The following BRAP variants were observed in gnomAD, a reference collection of about 807,000 sequenced individuals.
BRAP encodes the protein BRCA1 associated protein.
In BRAP, 42 loss-of-function variants were observed where a neutral mutation model predicts 73.4. The observed-to-expected ratio is 0.57, with a 90% CI of 0.45 to 0.74. The LOEUF is 0.74. Among genes scored for constraint, BRAP ranks in the 30% least tolerant of loss-of-function variants. BRAP has a pLI of 0.00. For synonymous variants in BRAP, 255 were observed against 267.4 expected, an observed-to-expected ratio of 0.95 and a Z score of 0.45; for missense variants, 593 against 751.4, an observed-to-expected ratio of 0.79 and a Z score of 2.46.
chr12:111,645,846 C>G (rs1309133654), intron 11 of BRAP, among the ~76,000 whole-genome samples: 1 of 151,970 alleles, frequency 6.6e-6, no homozygotes. Flanking sequence ...AAAACTTAGC[C>G]AGGTGCAGTG....
rs755755546 is a variant in BRAP, at chr12:111,659,350, CG to C, written c.973-6del. ...TATTAAACAAATCCAAAGATTCTGC[CG>C]GAAGAGGTAAGATCTTAATTAGTTA... is the stretch of plus-strand genomic sequence containing the variant. On this transcript the variant is annotated splice_polypyrimidine_tract_variant and splice_region_variant and intron_variant, in intron 7 of 11. Coordinates refer to ENST00000419234, the MANE Select transcript of BRAP (RefSeq NM_006768.5). The C allele has an allele frequency of 5.0e-6, 8 of 1,610,658 alleles. No homozygotes were observed. The Admixed American group carries it at 1.3e-4, about 27-fold the overall frequency.
intron 4 of BRAP, among the ~76,000 whole-genome samples, chr12:111,675,885 A>G (rs1196969612): frequency 6.6e-6 from 1 of 152,132 alleles, no homozygotes; most frequent in Admixed American, 6.5e-5. Context: ...TACTCTATTA[A>G]GTGGTCATCT....
At chr12:111,652,453 C>T (rs1886363898) in intron 10 of BRAP, among the ~76,000 whole-genome samples, 2 of 151,536 alleles carry the variant, frequency 1.3e-5, no homozygotes, top group South Asian at 4.2e-4. Flanking sequence ...TAGATCTCCT[C>T]ACCTTGTGAT....
At chr12:111,658,867 G>A (rs1487681909) in intron 8 of BRAP, 22 bp from the exon 9 acceptor site, 3 of 1,565,606 alleles carry the variant, frequency 1.9e-6, no homozygotes, top group Non-Finnish European at 1.8e-6. Flanking sequence ...GTCAACAAAA[G>A]TGTGTTTCTT....
At chr12:111,675,428 T>A (rs1016029138) in intron 4 of BRAP, among the ~76,000 whole-genome samples, 6 of 150,574 alleles carry the variant, frequency 4.0e-5, no homozygotes, top group African/African-American at 1.5e-4. Context: ...AACATATTGA[T>A]CTCTTCTTTA....
intron 4 of BRAP, among the ~76,000 whole-genome samples, chr12:111,676,325 C>T (rs1483108312): frequency 6.6e-6 from 1 of 152,176 alleles, no homozygotes; most frequent in East Asian, 1.9e-4. Context: ...AGTCAGGCTG[C>T]CTAGGTTTGA....
chr12:111,660,742 A>G (rs1886717656), intron 6 of BRAP, 67 bp from the exon 7 acceptor site: 17 of 1,385,314 alleles, frequency 1.2e-5, no homozygotes, highest in South Asian at 1.1e-4. Context: ...AGAACCCAAA[A>G]GTCAAACACT....
At chr12:111,662,824 T>C (rs1013104531) in intron 6 of BRAP, among the ~76,000 whole-genome samples, 4 of 151,368 alleles carry the variant, frequency 2.6e-5, no homozygotes, top group East Asian at 3.9e-4. Flanking sequence ...GTGAAAGTGG[T>C]TGAATAAGAA....
chr12:111,684,945 A>G (rs981732503), intron 1 of BRAP, among the ~76,000 whole-genome samples: 1 of 152,220 alleles, frequency 6.6e-6, no homozygotes, highest in Non-Finnish European at 1.5e-5. Flanking sequence ...TGAGGATTAC[A>G]GGCGTGAGCC....
At chr12:111,670,826 G>A (rs966951332) in intron 5 of BRAP, among the ~76,000 whole-genome samples, 2 of 152,154 alleles carry the variant, frequency 1.3e-5, no homozygotes, top group Non-Finnish European at 2.9e-5. Flanking sequence ...CTGGCCGGGC[G>A]CGGTGGCTCA....
intron 10 of BRAP, among the ~76,000 whole-genome samples, chr12:111,651,171 C>G (rs1886306230): frequency 6.8e-6 from 1 of 147,646 alleles, no homozygotes; most frequent in Non-Finnish European, 1.5e-5. Flanking sequence ...CTAGACCTTT[C>G]TTTTTAATCA....
At chr12:111,667,292 A>G (rs1303173818) in intron 5 of BRAP, among the ~76,000 whole-genome samples, 3 of 152,226 alleles carry the variant, frequency 2.0e-5, no homozygotes, top group Admixed American at 6.5e-5. Flanking sequence ...TACCACCAAT[A>G]AAACAGTCTG....
At chr12:111,650,189 C>A in intron 10 of BRAP, 147 bp from the exon 11 acceptor site, 6 of 460,062 alleles carry the variant, frequency 1.3e-5, no homozygotes, top group South Asian at 5.0e-5. Context: ...AGTTTCCAGG[C>A]AGGGGAAAAA....
intron 6 of BRAP, among the ~76,000 whole-genome samples, chr12:111,662,522 C>T (rs113304644): frequency 7.2e-5 from 11 of 151,942 alleles, no homozygotes; most frequent in African/African-American, 2.7e-4. Context: ...TGCACTCCAG[C>T]CTGGGCAACA....
chr12:111,677,247 AT>A (rs1887418548), intron 4 of BRAP, among the ~76,000 whole-genome samples: 1 of 151,974 alleles, frequency 6.6e-6, no homozygotes, highest in African/African-American at 2.4e-5. Flanking sequence ...GCTCTTCAAC[AT>A]TTTTTTCCCA....
rs1172427675 is a variant in BRAP, at chr12:111,681,830, G to C, written c.250C>G (p.Leu84Val). 1.2e-6 allele frequency: 2 copies of C among 1,608,210 alleles called. No individual in the cohort carries two copies. Among genetic ancestry groups the C allele is most frequent in the Non-Finnish European group, 1.7e-6 (2 of 1,177,432 alleles). The change falls in exon 3 of 12, where the codon CTA (leucine) becomes GTA (valine). Residue 84 changes from leucine (L) to valine (V), a missense_variant. Leu to Val is a conservative substitution (Grantham distance 32). Coordinates refer to ENST00000419234, the MANE Select transcript of BRAP (RefSeq NM_006768.5). ...IETMKSNPDE[L>V]KTTVEERKSS... is the part of the protein sequence containing the mutation. ...TTCCTTTCTTCCACTGTAGTTTTTA[G>C]TTCATCTTTCACCAGTTAAAAAATA... is the stretch of plus-strand genomic sequence containing the variant.
At position 111,659,108 on chromosome 12, in the gene BRAP, A is replaced by G. The variant is rs943378528; in HGVS notation, c.1111+99T>C. 4.8e-6 allele frequency: 7 copies of G among 1,446,034 alleles called. No individual in the cohort carries two copies. In the African/African-American group the frequency reaches 9.9e-5, roughly 20 times the overall value. 89.6% of individuals were successfully genotyped at this position (1,446,034 alleles called of 1,614,324 possible). Reference sequence around the variant, plus strand: ...AGAATTTGGGTTTGCAACAGCTGTCAAAAGATGACATTTCAAGCTGGGAGG... The same window carrying G: ...AGAATTTGGGTTTGCAACAGCTGTCGAAAGATGACATTTCAAGCTGGGAGG... On this transcript the variant is annotated intron_variant, in intron 8 of 11. Coordinates refer to ENST00000419234, the MANE Select transcript of BRAP (RefSeq NM_006768.5).
At chr12:111,669,845 A>G (rs1887101101) in intron 5 of BRAP, 3 of 627,566 alleles carry the variant, frequency 4.8e-6, no homozygotes, top group South Asian at 4.3e-5. Flanking sequence ...ATTTCAAAAC[A>G]TCGTTTAATT....
intron 11 of BRAP, among the ~76,000 whole-genome samples, chr12:111,646,091 C>T (rs1293192655): frequency 6.6e-6 from 1 of 151,946 alleles, no homozygotes; most frequent in African/African-American, 2.4e-5. Context: ...GAAATCAGCC[C>T]GGTCAACATA....
Sources: gnomAD v4.1 joint callset for allele counts (sites outside exome capture counted in the v4.1 genomes callset) on GRCh38, gnomAD v4.1.1 for gene constraint, MANE v1.5 for transcripts, NCBI Gene and HGNC (gene_info 2026-07-23, HGNC 2026-07-21) for gene names.